The following MAP3K1 variants were observed in gnomAD, a reference collection of about 807,000 sequenced individuals.
The protein encoded by MAP3K1 is mitogen-activated protein kinase kinase kinase 1, also known as MAP/ERK kinase kinase 1.
MAP3K1 carries 36 observed loss-of-function variants against 144.2 expected under a neutral mutation model. The ratio of observed to expected loss-of-function variants is 0.25; its 90% CI spans 0.19 to 0.33. The LOEUF (loss-of-function observed/expected upper bound fraction) is 0.33. MAP3K1 is among the 10% of genes least tolerant of loss of function. The pLI, the probability that MAP3K1 is intolerant of heterozygous loss-of-function variation, is 1.00. For synonymous variants in MAP3K1, 718 were observed against 688.7 expected, an observed-to-expected ratio of 1.04 and a Z score of -0.67; for missense variants, 1,650 against 1,881.9, an observed-to-expected ratio of 0.88 and a Z score of 2.28.
At position 56,815,954 on chromosome 5, in the gene MAP3K1, G is replaced by T. The variant is rs1053991933; in HGVS notation, c.381G>T (p.Ser127=). Residue 127 remains serine (S), a synonymous_variant, in exon 1 of 20, where the codon TCG becomes TCT. Transcript: ENST00000399503. ...GCGGCGGCGCCCACCTTACCGAGTC[G>T]GTGGCGGCGCCGGACAGCGGCGCCT... ...ASRGGAHLTE[S]VAAPDSGASS... is the part of the protein sequence containing the mutation. 1.3e-4 allele frequency: 166 copies of T among 1,259,330 alleles called. No homozygotes were observed. The African/African-American group carries it at 2.3e-3, about 17-fold the overall frequency. The allele number at this position is 1,259,330 out of a possible 1,614,324, so 78.0% of individuals were successfully genotyped here. A position where few individuals can be genotyped will look rare whatever the true frequency, so the allele number is the denominator to read the frequency against.
rs376819928 is a variant in MAP3K1 at position 56,865,852 on chromosome 5, T to C, written c.1176T>C (p.Tyr392=). 317 of 1,614,018 alleles carry C rather than the reference T, an allele frequency of 2.0e-4. No individual in the cohort carries two copies. The highest frequency in any genetic ancestry group is 2.6e-4 in the Non-Finnish European group (303 of 1,180,000). The change falls in exon 6 of 20, where the codon TAT becomes TAC. Residue 392 remains tyrosine (Y), a synonymous_variant. Transcript: ENST00000399503. ...NFEVESLFQK[Y]HSRRSSRIKA... ...AGGTTGAGAGTTTGTTCCAGAAATA[T>C]CACAGTAGGCGTAGCTCAAGGATCA...
chr5:56,825,774 T>A (rs1746293830), intron 1 of MAP3K1, among the ~76,000 whole-genome samples: 1 of 152,190 alleles, frequency 6.6e-6, no homozygotes, highest in Non-Finnish European at 1.5e-5. Flanking sequence ...CCATGACTGC[T>A]AACCCAGGGT....
rs375220456 is a variant in MAP3K1 at position 56,884,647 on chromosome 5, G to A, written c.3820-17G>A. 6.9e-5 allele frequency: 111 copies of A among 1,612,726 alleles called. No individual in the cohort carries two copies. Among genetic ancestry groups the A allele is most frequent in the Non-Finnish European group, 8.7e-5 (103 of 1,179,252 alleles). ...TGAAAATATGCAAAACTTTGTGAACGTGTTTATTTGAAACAGGTGACTTAT... is the reference window on the plus strand; with the variant it reads ...TGAAAATATGCAAAACTTTGTGAACATGTTTATTTGAAACAGGTGACTTAT... On this transcript the variant is annotated splice_polypyrimidine_tract_variant and intron_variant, in intron 15 of 19. Transcript: ENST00000399503.
At chr5:56,854,505 C>T (rs1190723305) in intron 1 of MAP3K1, among the ~76,000 whole-genome samples, 3 of 140,164 alleles carry the variant, frequency 2.1e-5, no homozygotes, top group Admixed American at 7.0e-5. Flanking sequence ...TAAGGTAAAA[C>T]GAAATTTAAA....
chr5:56,840,045 A>G (rs182797642), intron 1 of MAP3K1, among the ~76,000 whole-genome samples: 1 of 152,334 alleles, frequency 6.6e-6, no homozygotes, highest in East Asian at 1.9e-4. Flanking sequence ...GTTTACATCA[A>G]TTGGCCTATG....
chr5:56,869,668 T>C (rs1050423833), intron 6 of MAP3K1, among the ~76,000 whole-genome samples: 25 of 152,294 alleles, frequency 1.6e-4, no homozygotes, highest in African/African-American at 6.0e-4. Context: ...CAGAGAAGTA[T>C]TTAATAAGTT....
Position 56,893,806 on chromosome 5 carries a change from G to A in MAP3K1, c.*126G>A. The A allele has an allele frequency of 9.9e-7, 1 of 1,006,738 alleles. No homozygotes were observed. Among genetic ancestry groups the A allele is most frequent in the Non-Finnish European group, 1.5e-6 (1 of 662,840 alleles). 62.4% of individuals were successfully genotyped at this position (1,006,738 alleles called of 1,614,324 possible). A position where few individuals can be genotyped will look rare whatever the true frequency, so the allele number is the denominator to read the frequency against. Reference sequence around the variant, plus strand: ...AACAGCTATGAACGAGGCCAGTGGGGAACCCTTACCTAAGTATGTGATTGA... The same window carrying A: ...AACAGCTATGAACGAGGCCAGTGGGAAACCCTTACCTAAGTATGTGATTGA... On this transcript the variant is annotated 3_prime_UTR_variant, in exon 20 of 20. Coordinates refer to ENST00000399503, the MANE Select transcript of MAP3K1 (RefSeq NM_005921.2).
At chr5:56,890,021 TCTC>T (rs1435013470) in intron 19 of MAP3K1, among the ~76,000 whole-genome samples, 5 of 152,164 alleles carry the variant, frequency 3.3e-5, no homozygotes, top group African/African-American at 4.8e-5. Context: ...ATTTTGTGCT[TCTC>T]CTGCTTGGGC....
In MAP3K1 at chr5:56,816,070, C is replaced by G. The variant is rs1745944177; in HGVS notation, c.482+15C>G. 1 of 1,210,264 alleles carries G rather than the reference C, an allele frequency of 8.3e-7. No individual in the cohort carries two copies. The highest frequency in any genetic ancestry group is 4.2e-5 in the South Asian group (1 of 23,826). The allele number at this position is 1,210,264 out of a possible 1,614,324, so 75.0% of individuals were successfully genotyped here. A position where few individuals can be genotyped will look rare whatever the true frequency, so the allele number is the denominator to read the frequency against. On this transcript the variant is annotated intron_variant, in intron 1 of 19. Coordinates refer to ENST00000399503, the MANE Select transcript of MAP3K1 (RefSeq NM_005921.2). ...GCCCCCGCCGGGTGAGCAGCACGGC[C>G]GGGGTCGCGGCGGGGACTTGGAGAG...
In MAP3K1 at chr5:56,833,776, CTTTAA is replaced by C. The variant is rs763893115; in HGVS notation, c.482+17725_482+17729del. On this transcript the variant is annotated intron_variant, in intron 1 of 19. Coordinates refer to ENST00000399503, the MANE Select transcript of MAP3K1 (RefSeq NM_005921.2). Reference sequence around the variant, plus strand: ...TTAATTATTCTTGGTTGGTAATGCCCTTTAATTTGAGTAAAGATGATATCTAAGGC... The same window carrying C: ...TTAATTATTCTTGGTTGGTAATGCCCTTTGAGTAAAGATGATATCTAAGGC... Among the ~76,000 whole-genome samples the C allele has an allele frequency of 3.3e-5, 5 of 151,778 alleles. No homozygotes were observed. In the East Asian group the frequency reaches 7.7e-4, roughly 23 times the overall value.
chr5:56,867,634 A>G (rs1747717082), intron 6 of MAP3K1, among the ~76,000 whole-genome samples: 1 of 152,196 alleles, frequency 6.6e-6, no homozygotes, highest in South Asian at 2.1e-4. Flanking sequence ...TTTTTAAATG[A>G]TGTAATTCAG....
intron 1 of MAP3K1, among the ~76,000 whole-genome samples, chr5:56,838,297 CTG>C (rs1193143560): frequency 6.6e-6 from 1 of 152,122 alleles, no homozygotes; most frequent in Non-Finnish European, 1.5e-5. Flanking sequence ...TCATTTATAT[CTG>C]AAATCATTAA....
intron 1 of MAP3K1, among the ~76,000 whole-genome samples, chr5:56,847,273 A>G (rs946298578): frequency 6.6e-6 from 1 of 152,212 alleles, no homozygotes; most frequent in African/African-American, 2.4e-5. Context: ...GTTGAAGTAC[A>G]TCCATAATGT....
intron 19 of MAP3K1, among the ~76,000 whole-genome samples, chr5:56,891,747 A>C (rs1380596520): frequency 6.6e-6 from 1 of 152,210 alleles, no homozygotes; most frequent in Non-Finnish European, 1.5e-5. Context: ...TCAGCTTTCT[A>C]CATATGGCTA....
intron 1 of MAP3K1, among the ~76,000 whole-genome samples, chr5:56,824,282 C>G (rs773427556): frequency 2.6e-5 from 4 of 152,228 alleles, no homozygotes; most frequent in Admixed American, 6.5e-5. Flanking sequence ...GCCAAAGGAC[C>G]TGTAACAAAA....
At chr5:56,880,148 T>C (rs1748162608) in intron 11 of MAP3K1, among the ~76,000 whole-genome samples, 1 of 152,208 alleles carries the variant, frequency 6.6e-6, no homozygotes, top group South Asian at 2.1e-4. Flanking sequence ...CATTTTTAAA[T>C]ATTAGAATAG....
At chr5:56,821,564 T>C (rs907302074) in intron 1 of MAP3K1, among the ~76,000 whole-genome samples, 3 of 152,222 alleles carry the variant, frequency 2.0e-5, no homozygotes, top group African/African-American at 7.2e-5. Flanking sequence ...TACTTTTCTT[T>C]TTTTATTTTT....
rs1197140930 is a variant in MAP3K1 at position 56,820,549 on chromosome 5, G to A, written c.482+4494G>A. 9 of 985,236 alleles carry A rather than the reference G, an allele frequency of 9.1e-6. No individual in the cohort carries two copies. The East Asian group carries it at 9.1e-4, about 99-fold the overall frequency. 61.0% of individuals were successfully genotyped at this position (985,236 alleles called of 1,614,324 possible). On this transcript the variant is annotated intron_variant, in intron 1 of 19. Transcript: ENST00000399503. ...AACTGTATTTGGATCACCCTATCAT[G>A]TCAGCCAAAGAGGGTTAGTCATTAG...
At chr5:56,886,544 G>T (rs1337269713) in intron 17 of MAP3K1, among the ~76,000 whole-genome samples, 1 of 152,126 alleles carries the variant, frequency 6.6e-6, no homozygotes, top group East Asian at 1.9e-4. Flanking sequence ...AAAGTACATT[G>T]AATACAAGAG....
Sources: allele counts gnomAD v4.1 joint callset (sites outside exome capture counted in the v4.1 genomes callset), GRCh38; gene constraint gnomAD v4.1.1; transcripts MANE v1.5; gene names NCBI Gene and HGNC (gene_info 2026-07-23, HGNC 2026-07-21).